GAL3ST3: variants seen among roughly 807,000 people sequenced by gnomAD.
GAL3ST3 encodes galactose-3-O-sulfotransferase 3.
A neutral mutation model predicts 20.8 loss-of-function variants in GAL3ST3; 21 were observed. The observed-to-expected ratio is 1.01, with a 90% CI of 0.72 to 1.45. The LOEUF (loss-of-function observed/expected upper bound fraction) is 1.45. GAL3ST3 is among the 40% of genes most tolerant of loss of function. GAL3ST3 has a pLI of 0.00. For missense variants in GAL3ST3, 739 were observed against 662.7 expected (o/e 1.12, Z -1.26); for synonymous variants, 355 against 307.2 (o/e 1.16, Z -1.63).
intron 1 of GAL3ST3, among the ~76,000 whole-genome samples, chr11:66,046,908 G>T (rs370259483): frequency 2.0e-5 from 3 of 152,156 alleles, no homozygotes; most frequent in African/African-American, 7.2e-5. Flanking sequence ...TGGGAGCCCT[G>T]GGCTTGGCTT....
intron 1 of GAL3ST3, among the ~76,000 whole-genome samples, chr11:66,045,934 A>G (rs556767883): frequency 1.3e-5 from 2 of 152,336 alleles, no homozygotes; most frequent in African/African-American, 4.8e-5. Context: ...GCTTTAGCCC[A>G]GGGTTGGTCC....
Position 66,045,271 on chromosome 11 carries a change from C to T in GAL3ST3, c.125+20G>A, listed in dbSNP as rs772421266. On this transcript the variant is annotated intron_variant, in intron 2 of 2. Transcript: ENST00000312006. The stretch of plus-strand genomic sequence containing the variant: ...AATGGGGAGGGGAGCTCCGGCCCCC[C>T]TGGGGCCCCGCCCCCTTACCAGCTG... The T allele has an allele frequency of 5.9e-6, 9 of 1,514,278 alleles. No individual in the cohort carries two copies. The highest frequency in any genetic ancestry group is 8.0e-6 in the Non-Finnish European group (9 of 1,129,516). The allele number at this position is 1,514,278 out of a possible 1,614,324, so 93.8% of individuals were successfully genotyped here. A position where few individuals can be genotyped will look rare whatever the true frequency, so the allele number is the denominator to read the frequency against.
chr11:66,043,178 G>C lies in GAL3ST3; in HGVS notation c.625C>G (p.Leu209Val), dbSNP rs1011028207. The change falls in exon 3 of 3, where the codon CTG becomes GTG. Residue 209 changes from leucine (L) to valine (V), a missense_variant. Physicochemically the swap from Leu to Val is conservative, Grantham distance 32. Transcript: ENST00000312006. ...GGGCTGCGCTCATTGTCGCCGCCCA[G>C]GTCGTAGGCCAGCGTGTTGTGTGCG... ...MFAHNTLAYD[L>V]GGDNERSPRD... 1.2e-6 allele frequency: 2 copies of C among 1,612,118 alleles called. No individual in the cohort carries two copies. Among genetic ancestry groups the C allele is most frequent in the Non-Finnish European group, 1.7e-6 (2 of 1,179,438 alleles).
At chr11:66,048,635 C>G (rs1856806098) in intron 1 of GAL3ST3, among the ~76,000 whole-genome samples, 1 of 147,880 alleles carries the variant, frequency 6.8e-6, no homozygotes, top group South Asian at 2.2e-4. Flanking sequence ...CCTCCCCCAC[C>G]CCCCAGCCTG....
chr11:66,042,724 C>G lies in GAL3ST3; in HGVS notation c.1079G>C (p.Arg360Pro), dbSNP rs560359996. ...GTCATAGCCCATAATGTCCACCTTGCGGCTGGGCTGCCACGGCTGCAGCTG... is the reference window on the plus strand; with the variant it reads ...GTCATAGCCCATAATGTCCACCTTGGGGCTGGGCTGCCACGGCTGCAGCTG... ...TKQLQPWQPS[R>P]KVDIMGYDLP... The change falls in exon 3 of 3, where the codon CGC becomes CCC. Residue 360 changes from arginine (R) to proline (P), a missense_variant. Physicochemically the swap from Arg to Pro is moderately radical, Grantham distance 103. Transcript: ENST00000312006. 33 of 1,533,518 alleles carry G rather than the reference C, an allele frequency of 2.2e-5. No individual in the cohort carries two copies. Among genetic ancestry groups the G allele is most frequent in the Non-Finnish European group, 2.8e-5 (32 of 1,145,614 alleles). The allele number at this position is 1,533,518 out of a possible 1,614,324, so 95.0% of individuals were successfully genotyped here. A position where few individuals can be genotyped will look rare whatever the true frequency, so the allele number is the denominator to read the frequency against.
In GAL3ST3 at chr11:66,042,481, C is replaced by A. The variant is rs537403406; in HGVS notation, c.*26G>T. 3,697 of 1,438,808 alleles carry A rather than the reference C, an allele frequency of 2.6e-3. 6 individuals carry two copies. Among genetic ancestry groups the A allele is most frequent in the Non-Finnish European group, 3.2e-3 (3,489 of 1,102,010 alleles). 89.1% of individuals were successfully genotyped at this position (1,438,808 alleles called of 1,614,324 possible). A position where few individuals can be genotyped will look rare whatever the true frequency, so the allele number is the denominator to read the frequency against. On this transcript the variant is annotated 3_prime_UTR_variant, in exon 3 of 3. Transcript: ENST00000312006. ...GGACTCCTGGGAGGGCAGGGCAGGA[C>A]CCATACTCCTGGAGGCCTGCGGAGC...
rs2135017724 is a variant in GAL3ST3 at position 66,042,684 on chromosome 11, G to A, written c.1119C>T (p.Gly373=). The part of the protein sequence containing the change: ...DIMGYDLPGG[G]AGPATEACLK... Reference sequence around the variant, plus strand: ...GGCAGGCCTCGGTGGCCGGGCCGGCGCCGCCGCCGGGCAGGTCATAGCCCA... The same window carrying A: ...GGCAGGCCTCGGTGGCCGGGCCGGCACCGCCGCCGGGCAGGTCATAGCCCA... The change falls in exon 3 of 3, where the codon GGC becomes GGT. Residue 373 remains glycine (G), a synonymous_variant. Transcript: ENST00000312006. 5 of 1,534,036 alleles carry A rather than the reference G, an allele frequency of 3.3e-6. No individual in the cohort carries two copies. The highest frequency in any genetic ancestry group is 2.5e-5 in the East Asian group (1 of 40,812).
chr11:66,046,173 G>T (rs1856781096), intron 1 of GAL3ST3, among the ~76,000 whole-genome samples: 1 of 152,186 alleles, frequency 6.6e-6, no homozygotes, highest in African/African-American at 2.4e-5. Flanking sequence ...CTACACAGCT[G>T]GTAACAGTAG....
chr11:66,046,720 C>T (rs1046281907), intron 1 of GAL3ST3, among the ~76,000 whole-genome samples: 4 of 152,204 alleles, frequency 2.6e-5, no homozygotes, highest in African/African-American at 9.7e-5. Context: ...ATGCCTGTCC[C>T]CAAGCTAGGG....
At position 66,043,111 on chromosome 11, in the gene GAL3ST3, A is replaced by G; in HGVS notation, c.692T>C (p.Val231Ala). 8.1e-6 allele frequency: 13 copies of G among 1,611,726 alleles called. No individual in the cohort carries two copies. Among genetic ancestry groups the G allele is most frequent in the Non-Finnish European group, 1.1e-5 (13 of 1,179,312 alleles). The change falls in exon 3 of 3, where the codon GTG (valine) becomes GCG (alanine). Residue 231 changes from valine (V) to alanine (A), a missense_variant. By Grantham distance (64) the Val-to-Ala change is moderately conservative. Coordinates refer to ENST00000312006, the MANE Select transcript of GAL3ST3 (RefSeq NM_033036.3). The part of the protein sequence containing the change: ...AAYLAGLIRQ[V>A]EEVFSLVMIA... ...CATGACGAGCGAGAAAACCTCCTCC[A>G]CCTGGCGGATGAGGCCCGCCAGGTA...
In GAL3ST3 at chr11:66,042,407, G is replaced by A; in HGVS notation, c.*100C>T. On this transcript the variant is annotated 3_prime_UTR_variant, in exon 3 of 3. Coordinates refer to ENST00000312006, the MANE Select transcript of GAL3ST3 (RefSeq NM_033036.3). ...GTTCAGCGAGGGACTCAAGCCCCTTGAAAAGAAAGGGCTCTCATGGGGGCA... is the reference window on the plus strand; with the variant it reads ...GTTCAGCGAGGGACTCAAGCCCCTTAAAAAGAAAGGGCTCTCATGGGGGCA... The A allele has an allele frequency of 1.1e-6, 1 of 948,650 alleles. No homozygotes were observed. Among genetic ancestry groups the A allele is most frequent in the Non-Finnish European group, 1.5e-6 (1 of 674,828 alleles). The allele number at this position is 948,650 out of a possible 1,614,324, so 58.8% of individuals were successfully genotyped here. A position where few individuals can be genotyped will look rare whatever the true frequency, so the allele number is the denominator to read the frequency against.
At chr11:66,045,074 T>C (rs1420579461) in intron 2 of GAL3ST3, 2 of 396,752 alleles carry the variant, frequency 5.0e-6, no homozygotes, top group East Asian at 7.9e-5. Context: ...CTGTGGGGAG[T>C]TGAGCTGGAT....
intron 2 of GAL3ST3, among the ~76,000 whole-genome samples, chr11:66,044,222 C>A (rs1856756721): frequency 6.6e-6 from 1 of 152,200 alleles, no homozygotes; most frequent in Admixed American, 6.5e-5. Context: ...GCATCACCAG[C>A]AAACACCTTG....
chr11:66,048,647 AC>A (rs1173620156), intron 1 of GAL3ST3, among the ~76,000 whole-genome samples: 1 of 57,954 alleles, frequency 1.7e-5, no homozygotes, highest in Non-Finnish European at 3.3e-5. Flanking sequence ...CCCAGCCTGC[AC>A]CAGGTCTGCC....
intron 2 of GAL3ST3, 30 bp downstream of exon 2, chr11:66,045,261 T>A: frequency 6.7e-7 from 1 of 1,485,910 alleles, no homozygotes; most frequent in Admixed American, 2.4e-5. Context: ...GGAGGGGAGC[T>A]CCGGCCCCCC....
In GAL3ST3 at chr11:66,042,315, C is replaced by T; in HGVS notation, c.*192G>A. On this transcript the variant is annotated 3_prime_UTR_variant, in exon 3 of 3. Coordinates refer to ENST00000312006, the MANE Select transcript of GAL3ST3 (RefSeq NM_033036.3). The stretch of plus-strand genomic sequence containing the variant: ...AGCGCTGGATCCAGCCTATCAGCGC[C>T]GTGCCCGAAGGCAAGGTTCAGCCCA... 1 of 535,546 alleles carries T rather than the reference C, an allele frequency of 1.9e-6. No individual in the cohort carries two copies. The highest frequency in any genetic ancestry group is 3.2e-6 in the Non-Finnish European group (1 of 310,062). The allele number at this position is 535,546 out of a possible 1,614,324, so 33.2% of individuals were successfully genotyped here.
intron 2 of GAL3ST3, chr11:66,044,898 G>T (rs1255202241): frequency 6.4e-6 from 1 of 155,230 alleles, no homozygotes; most frequent in African/African-American, 2.4e-5. Flanking sequence ...GGGTTCCCAT[G>T]AATCACATGG....
At chr11:66,047,065 C>T (rs972918049) in intron 1 of GAL3ST3, among the ~76,000 whole-genome samples, 9 of 152,154 alleles carry the variant, frequency 5.9e-5, no homozygotes, top group African/African-American at 2.2e-4. Flanking sequence ...TTAATCCGGC[C>T]GGAGCCAAGG....
Position 66,043,475 on chromosome 11 carries a change from T to TG in GAL3ST3, c.327dup (p.Asn110GlnfsTer105). On this transcript the variant is annotated frameshift_variant, in exon 3 of 3. Coordinates refer to ENST00000312006, the MANE Select transcript of GAL3ST3 (RefSeq NM_033036.3). LOFTEE classifies it high-confidence loss of function. Reference sequence around the variant, plus strand: ...GGGTGCACGAAGTGCGCCGAGAAGTTGCGGGGGTAGCAGAACTGGTGCTCG... The same window carrying TG: ...GGGTGCACGAAGTGCGCCGAGAAGTTGGCGGGGGTAGCAGAACTGGTGCTCG... 6.2e-7 allele frequency: 1 copy of TG among 1,610,198 alleles called. No individual in the cohort carries two copies. Among genetic ancestry groups the TG allele is most frequent in the Admixed American group, 1.7e-5 (1 of 59,906 alleles).
Sources: gnomAD v4.1 joint callset for allele counts (sites outside exome capture counted in the v4.1 genomes callset) on GRCh38, gnomAD v4.1.1 for gene constraint, MANE v1.5 for transcripts, NCBI Gene and HGNC (gene_info 2026-07-23, HGNC 2026-07-21) for gene names.